Variants in IKZF3 observed in about 807,000 individuals in gnomAD.
IKZF3 encodes IKAROS family zinc finger 3.
IKZF3 carries 10 observed loss-of-function variants against 49.0 expected under a neutral mutation model. That is an observed-to-expected ratio of 0.20 (90% CI 0.13 to 0.35). The LOEUF (loss-of-function observed/expected upper bound fraction) is 0.35, where lower values mean the gene tolerates loss of function less well. IKZF3 is among the 10% of genes least tolerant of loss of function. IKZF3 has a pLI of 1.00. For missense variants in IKZF3, 498 were observed against 664.8 expected (o/e 0.75, Z 2.76); for synonymous variants, 209 against 228.2 (o/e 0.92, Z 0.76).
intron 6 of IKZF3, among the ~76,000 whole-genome samples, chr17:39,781,871 T>C (rs1191162728): frequency 6.6e-6 from 1 of 152,216 alleles, no homozygotes; most frequent in Non-Finnish European, 1.5e-5. Context: ...ATGCCTGACA[T>C]TTAAAAACAT....
chr17:39,777,618 T>G, intron 7 of IKZF3, 33 bp downstream of exon 7: 1 of 1,468,326 alleles, frequency 6.8e-7, no homozygotes, highest in Non-Finnish European at 9.5e-7. Context: ...AACTATCTGC[T>G]AACAACAGCA....
At chr17:39,824,542 C>T (rs1030642164) in intron 3 of IKZF3, among the ~76,000 whole-genome samples, 2 of 152,128 alleles carry the variant, frequency 1.3e-5, no homozygotes, top group African/African-American at 4.8e-5. Flanking sequence ...TGCGTCCCTA[C>T]CCAAATCTCA....
intron 3 of IKZF3, among the ~76,000 whole-genome samples, chr17:39,827,310 T>A (rs2061983921): frequency 6.6e-6 from 1 of 151,546 alleles, no homozygotes; most frequent in Non-Finnish European, 1.5e-5. Context: ...TGTTGTTCTT[T>A]TGAGACAGGA....
chr17:39,763,578 G>A lies in IKZF3; in HGVS notation c.*2212C>T, dbSNP rs1256154523. On this transcript the variant is annotated 3_prime_UTR_variant, in exon 8 of 8. Coordinates refer to ENST00000346872, the MANE Select transcript of IKZF3 (RefSeq NM_012481.5). ...TGTGGCAAGATCAAAATACCTTTCT[G>A]TTTTTTGTTCCTCTCCACCACCTTC... is the stretch of plus-strand genomic sequence containing the variant. 7 of 152,002 alleles carry A rather than the reference G, an allele frequency of 4.6e-5. No homozygotes were observed. The highest frequency in any genetic ancestry group is 4.6e-4 in the Admixed American group (7 of 15,258). The allele number at this position is 152,002 out of a possible 1,614,324, so 9.4% of individuals were successfully genotyped here.
chr17:39,862,538 C>G (rs1023094741), intron 1 of IKZF3, among the ~76,000 whole-genome samples: 1 of 152,114 alleles, frequency 6.6e-6, no homozygotes, highest in South Asian at 2.1e-4. Flanking sequence ...TTTACCACAT[C>G]AAATACTCTA....
intron 7 of IKZF3, among the ~76,000 whole-genome samples, chr17:39,768,194 C>T (rs2060343188): frequency 6.6e-6 from 1 of 152,084 alleles, no homozygotes; most frequent in Non-Finnish European, 1.5e-5. Flanking sequence ...ATCGGTGAGA[C>T]AATTTGGTAT....
At chr17:39,830,413 T>C (rs1405912533) in intron 2 of IKZF3, among the ~76,000 whole-genome samples, 1 of 152,174 alleles carries the variant, frequency 6.6e-6, no homozygotes, top group East Asian at 1.9e-4. Flanking sequence ...CCCACAACTC[T>C]AACACATGGT....
In IKZF3 at chr17:39,806,383, T is replaced by C. The variant is rs557398980; in HGVS notation, c.164-13450A>G. Among the ~76,000 whole-genome samples the C allele has an allele frequency of 2.0e-3, 310 of 152,316 alleles. 1 individual carries two copies. The highest frequency in any genetic ancestry group is 0.014 in the Middle Eastern group (4 of 294). Reference sequence around the variant, plus strand: ...AATTTTAAAATGCACGAAAGTAGTCTTTAGCTTTTCTAAGGTAATAAATAA... The same window carrying C: ...AATTTTAAAATGCACGAAAGTAGTCCTTAGCTTTTCTAAGGTAATAAATAA... On this transcript the variant is annotated intron_variant, in intron 3 of 7. Coordinates refer to ENST00000346872, the MANE Select transcript of IKZF3 (RefSeq NM_012481.5).
rs2062272724 is a variant in IKZF3, at chr17:39,836,131, G to A, written c.8-3980C>T. 4.6e-6 allele frequency: 3 copies of A among 658,380 alleles called. No homozygotes were observed. In the Admixed American group the frequency reaches 6.4e-5, roughly 14 times the overall value. 40.8% of individuals were successfully genotyped at this position (658,380 alleles called of 1,614,324 possible). On this transcript the variant is annotated intron_variant, in intron 1 of 7. Coordinates refer to ENST00000346872, the MANE Select transcript of IKZF3 (RefSeq NM_012481.5). ...GGTCTTAATCTGCTCCTTCTCCTGA[G>A]TGCACACGGCCTGGATGTTGGGGTC...
intron 7 of IKZF3, among the ~76,000 whole-genome samples, chr17:39,773,711 T>A (rs2060501911): frequency 6.6e-6 from 1 of 152,234 alleles, no homozygotes. Context: ...TGCAGAAATG[T>A]AGTCATTTTT....
chr17:39,799,596 AG>A (rs1196279800), intron 3 of IKZF3, among the ~76,000 whole-genome samples: 5 of 152,330 alleles, frequency 3.3e-5, no homozygotes, highest in South Asian at 2.1e-4. Context: ...ACAGGTGCTC[AG>A]GCCTCAACCT....
intron 3 of IKZF3, among the ~76,000 whole-genome samples, chr17:39,819,839 A>G (rs973670423): frequency 6.7e-6 from 1 of 149,728 alleles, no homozygotes; most frequent in Non-Finnish European, 1.5e-5. Context: ...TTAAAAAAAA[A>G]TTTTTTTTTT....
chr17:39,796,628 C>A (rs1452672479), intron 3 of IKZF3, among the ~76,000 whole-genome samples: 2 of 150,568 alleles, frequency 1.3e-5, no homozygotes, highest in African/African-American at 4.9e-5. Flanking sequence ...GCAACCTCTG[C>A]CTCCCTGGTT....
chr17:39,817,680 G>A (rs934756074), intron 3 of IKZF3, among the ~76,000 whole-genome samples: 2 of 152,046 alleles, frequency 1.3e-5, no homozygotes, highest in Non-Finnish European at 2.9e-5. Context: ...AACTTCTATC[G>A]GGCAATGCTG....
chr17:39,767,929 G>A (rs2060335237), intron 7 of IKZF3, among the ~76,000 whole-genome samples: 1 of 152,042 alleles, frequency 6.6e-6, no homozygotes, highest in South Asian at 2.1e-4. Flanking sequence ...CCAGGCATCT[G>A]TAGTCCCAGC....
chr17:39,765,799 C>A lies in IKZF3; in HGVS notation c.1521G>T (p.Leu507=). 6.3e-7 allele frequency: 1 copy of A among 1,598,536 alleles called. No individual in the cohort carries two copies. Residue 507 remains leucine, a synonymous_variant, in exon 8 of 8, where the codon CTG becomes CTT. Transcript: ENST00000346872. ...CCCTGAGACCAGATATTCACTTCAG[C>A]AGGGCTCTGTGTTCTCCTCTGGCTA... ...SHIARGEHRA[L]LK is the part of the protein sequence containing the mutation.
chr17:39,864,084 A>C, intron 1 of IKZF3, 36 bp downstream of exon 1: 2 of 1,613,114 alleles, frequency 1.2e-6, no homozygotes, highest in Non-Finnish European at 1.7e-6. Flanking sequence ...AAGTTTCTCA[A>C]AGACCCCGGA....
chr17:39,863,611 T>C, intron 1 of IKZF3, among the ~76,000 whole-genome samples: 1 of 152,158 alleles, frequency 6.6e-6, no homozygotes, highest in East Asian at 1.9e-4. Context: ...GTGAACCTGA[T>C]TTTTTGCGCT....
In IKZF3 at chr17:39,829,469, A is replaced by G. The variant is rs368625379; in HGVS notation, c.81T>C (p.Asn27=). Residue 27 remains asparagine, a synonymous_variant, in exon 3 of 8, where the codon AAT becomes AAC. Transcript: ENST00000346872. The part of the protein sequence containing the change: ...SVPAESAAVL[N]DYSLTKSHEM... The stretch of plus-strand genomic sequence containing the variant: ...CATGAGATTTGGTTAAACTGTAGTC[A>G]TTCAAAACCGCTGCACTTTCTAAAA... 11 of 1,613,438 alleles carry G rather than the reference A, an allele frequency of 6.8e-6. No homozygotes were observed. The African/African-American group carries it at 1.5e-4, about 22-fold the overall frequency.
Sources: gnomAD v4.1 joint callset for allele counts (sites outside exome capture counted in the v4.1 genomes callset) on GRCh38, gnomAD v4.1.1 for gene constraint, MANE v1.5 for transcripts, NCBI Gene and HGNC (gene_info 2026-07-23, HGNC 2026-07-21) for gene names.